PCGF3: variants seen among roughly 807,000 people sequenced by gnomAD.
PCGF3 encodes the protein polycomb group ring finger 3, also known as polycomb group RING finger protein 3.
A neutral mutation model predicts 33.1 loss-of-function variants in PCGF3; 7 were observed. The observed-to-expected ratio is 0.21, with a 90% CI of 0.12 to 0.40. The LOEUF (loss-of-function observed/expected upper bound fraction) is 0.40, where lower values mean the gene tolerates loss of function less well. Among genes scored for constraint, PCGF3 ranks in the 10% least tolerant of loss-of-function variants. The pLI is 1.00. For missense variants in PCGF3, 211 were observed against 313.3 expected, an observed-to-expected ratio of 0.67 and a Z score of 2.46; for synonymous variants, 153 against 121.3, an observed-to-expected ratio of 1.26 and a Z score of -1.72.
At chr4:743,092 G>C (rs1026803492) in intron 6 of PCGF3, among the ~76,000 whole-genome samples, 2 of 152,196 alleles carry the variant, frequency 1.3e-5, no homozygotes, top group Admixed American at 6.5e-5. Context: ...AATGATGTCT[G>C]GCATGGCACT....
At chr4:743,863 G>A (rs116513518) in intron 7 of PCGF3, 1 of 313,488 alleles carries the variant, frequency 3.2e-6, no homozygotes, top group Non-Finnish European at 6.0e-6. Flanking sequence ...TGTGGAAAGA[G>A]TAGTGGAAGG....
chr4:712,774 G>C lies in PCGF3; in HGVS notation c.-190+6804G>C, dbSNP rs538317584. Among the ~76,000 whole-genome samples, 6 of 152,380 alleles carry C rather than the reference G, an allele frequency of 3.9e-5. No individual in the cohort carries two copies. The South Asian group carries it at 1.2e-3, about 32-fold the overall frequency. On this transcript the variant is annotated intron_variant, in intron 1 of 10. Transcript: ENST00000362003. ...AAACTCTAATATTTAGGTGCATTTAGAGAGTGGATTTGTTGGCTTGGTTTC... is the reference window on the plus strand; with the variant it reads ...AAACTCTAATATTTAGGTGCATTTACAGAGTGGATTTGTTGGCTTGGTTTC...
At chr4:744,510 T>C (rs1490159293) in intron 7 of PCGF3, 90 bp from the exon 8 acceptor site, 3 of 1,000,074 alleles carry the variant, frequency 3.0e-6, no homozygotes, top group Admixed American at 4.4e-5. Context: ...ATGGAGTGAA[T>C]TTTTGACGGC....
intron 8 of PCGF3, among the ~76,000 whole-genome samples, chr4:754,475 C>T (rs888219121): frequency 6.6e-6 from 1 of 152,214 alleles, no homozygotes; most frequent in African/African-American, 2.4e-5. Context: ...CCCACCCATC[C>T]AGGCCAGAGC....
intron 1 of PCGF3, chr4:725,334 G>C (rs1478418788): frequency 6.5e-6 from 1 of 153,162 alleles, no homozygotes; most frequent in Non-Finnish European, 1.5e-5. Context: ...TTATATTTCT[G>C]CATATTAAGA....
chr4:737,606 T>TG (rs1743891159), intron 6 of PCGF3, 85 bp downstream of exon 6: 1 of 832,226 alleles, frequency 1.2e-6, no homozygotes, highest in Admixed American at 2.0e-5. Flanking sequence ...GGTTCTCGGA[T>TG]GGGAGGCCCC....
At chr4:718,729 T>C (rs1308473699) in intron 1 of PCGF3, among the ~76,000 whole-genome samples, 2 of 152,052 alleles carry the variant, frequency 1.3e-5, no homozygotes, top group Non-Finnish European at 2.9e-5. Context: ...GGCTGGGGGC[T>C]CGATGTCACA....
chr4:733,019 C>T (rs535398070), intron 3 of PCGF3, among the ~76,000 whole-genome samples: 2 of 150,548 alleles, frequency 1.3e-5, no homozygotes, highest in South Asian at 2.1e-4. Context: ...TGTGGCCTGG[C>T]ATTGTGCCCA....
chr4:766,796 A>G (rs1577454469), exon 11 of PCGF3: 2 of 152,218 alleles, frequency 1.3e-5, no homozygotes, highest in African/African-American at 4.8e-5. Flanking sequence ...CCACGTCGGG[A>G]TTTCTGACAT....
chr4:769,200 G>A (rs953991378), exon 11 of PCGF3: 1 of 152,720 alleles, frequency 6.5e-6, no homozygotes, highest in Non-Finnish European at 1.5e-5. Context: ...CAGACCACAA[G>A]AGCGGAGCTG....
chr4:765,425 T>A (rs1287497950), intron 10 of PCGF3, among the ~76,000 whole-genome samples: 1 of 112,568 alleles, frequency 8.9e-6, no homozygotes, highest in Non-Finnish European at 1.9e-5. Context: ...AGAGGGAGAC[T>A]CTGTCTCAAA....
At chr4:755,954 C>G (rs963225957) in intron 8 of PCGF3, among the ~76,000 whole-genome samples, 1 of 126,106 alleles carries the variant, frequency 7.9e-6, no homozygotes, top group East Asian at 2.4e-4. Context: ...TTCCCTCTTG[C>G]CCAGGCTGGA....
At chr4:715,605 G>A (rs1742792051) in intron 1 of PCGF3, among the ~76,000 whole-genome samples, 1 of 105,754 alleles carries the variant, frequency 9.5e-6, no homozygotes, top group South Asian at 3.9e-4. Flanking sequence ...AGAACTGGGT[G>A]TCGGTGCTGG....
intron 8 of PCGF3, chr4:757,008 G>A (rs1003982232): frequency 2.6e-5 from 4 of 152,146 alleles, no homozygotes; most frequent in East Asian, 1.9e-4. Context: ...TAGGTAATTC[G>A]TTCAGTCCTG....
At chr4:723,036 ACACTCAC>A in intron 1 of PCGF3, among the ~76,000 whole-genome samples, 1 of 124,858 alleles carries the variant, frequency 8.0e-6, no homozygotes. Context: ...CGCCGGGTCC[ACACTCAC>A]GTCATCGCCA....
At chr4:766,089 C>T (rs768479514) in exon 11 of PCGF3, 20 of 1,613,302 alleles carry the variant, frequency 1.2e-5, no homozygotes, top group Admixed American at 1.7e-5. Context: ...AATGGTGCCA[C>T]ACAGCGCCCA....
chr4:738,483 TCAGAC>T (rs1743935385), intron 6 of PCGF3, among the ~76,000 whole-genome samples: 1 of 152,152 alleles, frequency 6.6e-6, no homozygotes. Context: ...ACCGAGTGTT[TCAGAC>T]GCGTAGCAGT....
At position 753,157 on chromosome 4, in the gene PCGF3, T is replaced by C. The variant is rs572215634; in HGVS notation, c.463-8122T>C. Among the ~76,000 whole-genome samples the C allele has an allele frequency of 2.3e-4, 35 of 152,316 alleles. 1 individual carries two copies. In the South Asian group the frequency reaches 7.2e-3, roughly 32 times the overall value. The stretch of plus-strand genomic sequence containing the variant: ...CAGAGCTGACAAGCCCCGGAGCAAA[T>C]GGCAAGGAAGTTAGAACAGAACTTT... On this transcript the variant is annotated intron_variant, in intron 8 of 10. Coordinates refer to ENST00000362003, the Ensembl canonical transcript of PCGF3.
intron 7 of PCGF3, 24 bp from the exon 8 acceptor site, chr4:744,576 G>C (rs770574154): frequency 1.3e-4 from 202 of 1,515,502 alleles, no homozygotes; most frequent in Non-Finnish European, 8.9e-5. Flanking sequence ...TTCATGGTGC[G>C]CTATGTTCTG....
Sources: gnomAD v4.1 joint callset for allele counts (sites outside exome capture counted in the v4.1 genomes callset) on GRCh38, gnomAD v4.1.1 for gene constraint, MANE v1.5 for transcripts, NCBI Gene and HGNC (gene_info 2026-07-23, HGNC 2026-07-21) for gene names.